Variants in KCNH7 observed in about 807,000 individuals in gnomAD.
KCNH7 encodes the protein potassium voltage-gated channel subfamily H member 7, also known as voltage-gated inwardly rectifying potassium channel KCNH7.
Under a neutral mutation model 120.8 loss-of-function variants are expected in KCNH7, and 49 were observed. The observed-to-expected ratio is 0.41, with a 90% CI of 0.32 to 0.51. KCNH7 has a LOEUF of 0.51. Ranked by LOEUF, KCNH7 falls within the 20% of genes least tolerant of loss-of-function variation. The pLI, the probability that KCNH7 is intolerant of heterozygous loss-of-function variation, is 0.38. For missense variants in KCNH7, 1,097 were observed against 1,446.6 expected, an observed-to-expected ratio of 0.76 and a Z score of 3.92; for synonymous variants, 547 against 516.1, an observed-to-expected ratio of 1.06 and a Z score of -0.81.
chr2:162,636,955 C>A (rs75740638), intron 2 of KCNH7, among the ~76,000 whole-genome samples: 4,205 of 152,128 alleles, frequency 0.028, 203 homozygotes, highest in African/African-American at 0.097. Flanking sequence ...GGCTGCTTGC[C>A]ACCACCCTCC....
intron 2 of KCNH7, among the ~76,000 whole-genome samples, chr2:162,716,706 C>T (rs1687135775): frequency 6.6e-6 from 1 of 152,056 alleles, no homozygotes; most frequent in Non-Finnish European, 1.5e-5. Context: ...GTATTTTATG[C>T]TATAAGTTTA....
chr2:162,390,007 G>C (rs1331690070), intron 12 of KCNH7, among the ~76,000 whole-genome samples: 2 of 151,810 alleles, frequency 1.3e-5, no homozygotes, highest in Admixed American at 6.6e-5. Context: ...GCACACAGTG[G>C]GTACTCAATG....
At chr2:162,724,443 C>T (rs1187556905) in intron 2 of KCNH7, among the ~76,000 whole-genome samples, 3 of 151,862 alleles carry the variant, frequency 2.0e-5, no homozygotes, top group African/African-American at 4.8e-5. Context: ...GAGGCCGAGG[C>T]GGGCGGATCA....
At chr2:162,744,335 A>G (rs1464502343) in intron 2 of KCNH7, among the ~76,000 whole-genome samples, 3 of 152,332 alleles carry the variant, frequency 2.0e-5, no homozygotes, top group African/African-American at 7.2e-5. Context: ...TAATTTCTCC[A>G]AAATGTATAA....
intron 2 of KCNH7, among the ~76,000 whole-genome samples, chr2:162,807,392 G>GCAAC (rs1449523629): frequency 9.2e-5 from 14 of 151,668 alleles, no homozygotes; most frequent in Non-Finnish European, 1.8e-4. Context: ...AGCCGATATG[G>GCAAC]TGCCACTGCC....
chr2:162,414,954 C>T (rs554208137), intron 9 of KCNH7, among the ~76,000 whole-genome samples: 1 of 152,094 alleles, frequency 6.6e-6, no homozygotes, highest in East Asian at 1.9e-4. Flanking sequence ...AAGTAATCCA[C>T]CTGCTATCCA....
chr2:162,608,268 G>C (rs1682848026), intron 2 of KCNH7, among the ~76,000 whole-genome samples: 1 of 152,188 alleles, frequency 6.6e-6, no homozygotes, highest in South Asian at 2.1e-4. Flanking sequence ...TTGATAGTAT[G>C]ATTAGCTATC....
intron 2 of KCNH7, among the ~76,000 whole-genome samples, chr2:162,753,154 C>T (rs934721751): frequency 1.8e-4 from 27 of 151,594 alleles, no homozygotes; most frequent in African/African-American, 6.5e-4. Context: ...TTGGCCCTGT[C>T]TTTGTTTCTT....
chr2:162,481,386 A>G (rs1030746322), intron 6 of KCNH7, among the ~76,000 whole-genome samples: 1 of 152,220 alleles, frequency 6.6e-6, no homozygotes, highest in Admixed American at 6.5e-5. Flanking sequence ...AGAATCAAAC[A>G]ATACAGTCAA....
At chr2:162,391,435 A>G (rs1686742664) in intron 12 of KCNH7, among the ~76,000 whole-genome samples, 1 of 152,090 alleles carries the variant, frequency 6.6e-6, no homozygotes, top group Non-Finnish European at 1.5e-5. Flanking sequence ...CTTCCTAAAG[A>G]CTTTGGAATA....
At chr2:162,544,838 G>T (rs1692424001) in intron 2 of KCNH7, among the ~76,000 whole-genome samples, 1 of 152,116 alleles carries the variant, frequency 6.6e-6, no homozygotes, top group South Asian at 2.1e-4. Flanking sequence ...TCCTACATTG[G>T]CTCATGACCG....
At chr2:162,625,694 T>C (rs1291601828) in intron 2 of KCNH7, among the ~76,000 whole-genome samples, 1 of 152,156 alleles carries the variant, frequency 6.6e-6, no homozygotes, top group Non-Finnish European at 1.5e-5. Context: ...GTATTTGTTA[T>C]GCAGGTAGGA....
intron 14 of KCNH7, among the ~76,000 whole-genome samples, chr2:162,376,300 T>C (rs79238289): frequency 0.021 from 3,111 of 151,742 alleles, 215 homozygotes; most frequent in Admixed American, 0.15. Context: ...TTGCTCTGTG[T>C]GCAATGGAAG....
At chr2:162,596,043 T>C (rs1292897399) in intron 2 of KCNH7, among the ~76,000 whole-genome samples, 2 of 152,026 alleles carry the variant, frequency 1.3e-5, no homozygotes, top group Non-Finnish European at 2.9e-5. Flanking sequence ...AATAAATTGA[T>C]GAAAGAAATT....
chr2:162,391,711 A>G (rs920403089), intron 12 of KCNH7, among the ~76,000 whole-genome samples: 1 of 152,072 alleles, frequency 6.6e-6, no homozygotes, highest in Non-Finnish European at 1.5e-5. Flanking sequence ...ACATTAGATA[A>G]TTTAGCTTAA....
At chr2:162,532,033 A>G (rs1691941550) in intron 3 of KCNH7, among the ~76,000 whole-genome samples, 1 of 151,978 alleles carries the variant, frequency 6.6e-6, no homozygotes, top group African/African-American at 2.4e-5. Flanking sequence ...ACAGATATCT[A>G]AATTACCAAA....
intron 4 of KCNH7, among the ~76,000 whole-genome samples, chr2:162,515,204 T>C (rs962461659): frequency 8.6e-5 from 13 of 151,744 alleles, no homozygotes; most frequent in Non-Finnish European, 1.8e-4. Flanking sequence ...GAAAGTAATT[T>C]TTTTTTATAA....
At chr2:162,450,772 T>C (rs1473267263) in intron 6 of KCNH7, among the ~76,000 whole-genome samples, 1 of 151,962 alleles carries the variant, frequency 6.6e-6, no homozygotes, top group East Asian at 1.9e-4. Flanking sequence ...TTTTGACAGA[T>C]GCATCTGGCA....
At chr2:162,630,045 G>A (rs1385432848) in intron 2 of KCNH7, among the ~76,000 whole-genome samples, 1 of 151,986 alleles carries the variant, frequency 6.6e-6, no homozygotes, top group Non-Finnish European at 1.5e-5. Flanking sequence ...TATTGATCAT[G>A]GAATAACTTA....
Sources: allele counts gnomAD v4.1 joint callset (sites outside exome capture counted in the v4.1 genomes callset), GRCh38; gene constraint gnomAD v4.1.1; transcripts MANE v1.5; gene names NCBI Gene and HGNC (gene_info 2026-07-23, HGNC 2026-07-21).